The following PTPRD variants were observed in gnomAD, a reference collection of about 807,000 sequenced individuals.
PTPRD encodes protein tyrosine phosphatase receptor type D, also known as receptor-type tyrosine-protein phosphatase delta.
In PTPRD, 34 loss-of-function variants were observed where a neutral mutation model predicts 214.5. The ratio of observed to expected loss-of-function variants is 0.16; its 90% CI spans 0.12 to 0.21. PTPRD has a LOEUF of 0.21. Among genes scored for constraint, PTPRD ranks in the 10% least tolerant of loss-of-function variants. The probability of loss-of-function intolerance (pLI) is 1.00; values close to 1 mark genes in which losing one functional copy is unlikely to be tolerated. For synonymous variants in PTPRD, 1,128 were observed against 845.7 expected (o/e 1.33, Z -5.79); for missense variants, 2,545 against 2,398.7 (o/e 1.06, Z -1.27).
chr9:10,513,093 C>A (rs2048842934), intron 2 of PTPRD, among the ~76,000 whole-genome samples: 1 of 151,818 alleles, frequency 6.6e-6, no homozygotes, highest in African/African-American at 2.4e-5. Context: ...CTTCAGTTAA[C>A]ATTATTGAAG....
chr9:9,850,608 T>C (rs180842425), intron 5 of PTPRD, among the ~76,000 whole-genome samples: 73 of 152,276 alleles, frequency 4.8e-4, no homozygotes, highest in African/African-American at 1.7e-3. Flanking sequence ...ATGTAAAATA[T>C]ATAGAATACT....
intron 11 of PTPRD, among the ~76,000 whole-genome samples, chr9:8,801,636 A>T (rs575867622): frequency 2.0e-5 from 3 of 152,308 alleles, no homozygotes; most frequent in African/African-American, 7.2e-5. Context: ...GAATCACTTG[A>T]GCCCGGGAAG....
intron 5 of PTPRD, among the ~76,000 whole-genome samples, chr9:9,925,314 C>T (rs575662925): frequency 6.6e-6 from 1 of 151,956 alleles, no homozygotes; most frequent in African/African-American, 2.4e-5. Context: ...TTTCCCTCTC[C>T]AGAAAAACAA....
At chr9:9,956,929 A>T (rs2093973525) in intron 4 of PTPRD, among the ~76,000 whole-genome samples, 2 of 152,180 alleles carry the variant, frequency 1.3e-5, no homozygotes, top group Non-Finnish European at 2.9e-5. Context: ...TGTTTATGTT[A>T]TAACTGCCCA....
chr9:8,429,221 T>C (rs1350168455), intron 35 of PTPRD, among the ~76,000 whole-genome samples: 1 of 151,904 alleles, frequency 6.6e-6, no homozygotes, highest in Non-Finnish European at 1.5e-5. Context: ...GTGTGAAACA[T>C]TTAAGTGTTT....
intron 3 of PTPRD, among the ~76,000 whole-genome samples, chr9:10,200,819 T>C (rs565336280): frequency 6.6e-6 from 1 of 152,236 alleles, no homozygotes; most frequent in East Asian, 1.9e-4. Flanking sequence ...TAAATTGATG[T>C]CAATTGAAAG....
chr9:8,962,594 A>C (rs2099164870), intron 11 of PTPRD, among the ~76,000 whole-genome samples: 1 of 152,034 alleles, frequency 6.6e-6, no homozygotes, highest in African/African-American at 2.4e-5. Flanking sequence ...GCTTTGTATC[A>C]AGGGTGTCCA....
rs137944150 is a variant in PTPRD, at chr9:9,470,403, T to C, written c.-236-72921A>G. ...TATTTTGTACAGTTTCAAAAGTCAATATCACATTAAAGAATAAATAATATT... is the reference window on the plus strand; with the variant it reads ...TATTTTGTACAGTTTCAAAAGTCAACATCACATTAAAGAATAAATAATATT... On this transcript the variant is annotated intron_variant, in intron 8 of 45. Transcript: ENST00000381196. Among the ~76,000 whole-genome samples, 628 of 152,300 alleles carry C rather than the reference T, an allele frequency of 4.1e-3. 1 individual carries two copies. Among genetic ancestry groups the C allele is most frequent in the African/African-American group, 0.013 (560 of 41,564 alleles).
Position 10,262,593 on chromosome 9 carries a change from A to T in PTPRD, c.-545+78370T>A, listed in dbSNP as rs202038096. The stretch of plus-strand genomic sequence containing the variant: ...CTCAAGTGTATTGACAAATAGCAAA[A>T]ACAGAGACATTGGTACTGCAAAGCA... On this transcript the variant is annotated intron_variant, in intron 3 of 45. Coordinates refer to ENST00000381196, the MANE Select transcript of PTPRD (RefSeq NM_002839.4). Among the ~76,000 whole-genome samples the T allele has an allele frequency of 1.1e-4, 16 of 152,332 alleles. No homozygotes were observed. In the East Asian group the frequency reaches 2.1e-3, roughly 20 times the overall value.
chr9:9,909,480 ATT>A (rs1206737100), intron 5 of PTPRD, among the ~76,000 whole-genome samples: 1 of 151,856 alleles, frequency 6.6e-6, no homozygotes, highest in African/African-American at 2.4e-5. Flanking sequence ...GCAGTGTAGT[ATT>A]GAGTTAAACA....
At chr9:10,304,386 C>T (rs2095981943) in intron 3 of PTPRD, among the ~76,000 whole-genome samples, 1 of 152,130 alleles carries the variant, frequency 6.6e-6, no homozygotes, top group African/African-American at 2.4e-5. Context: ...CACTCCTATT[C>T]AACATAGTAT....
chr9:8,487,502 G>A (rs2097051391), intron 27 of PTPRD, among the ~76,000 whole-genome samples: 1 of 152,074 alleles, frequency 6.6e-6, no homozygotes, highest in African/African-American at 2.4e-5. Context: ...GCTGAGGTGG[G>A]AGGACTGCTT....
chr9:10,150,509 C>G (rs958158333), intron 3 of PTPRD, among the ~76,000 whole-genome samples: 1 of 151,196 alleles, frequency 6.6e-6, no homozygotes, highest in Non-Finnish European at 1.5e-5. Flanking sequence ...CGGGGCCTTT[C>G]GTGGGGCAGG....
rs7047834 is a variant in PTPRD at position 10,230,457 on chromosome 9, T to C, written c.-545+110506A>G. Among the ~76,000 whole-genome samples the C allele has an allele frequency of 1.6e-4, 24 of 151,654 alleles. 1 individual carries two copies. The highest frequency in any genetic ancestry group is 4.2e-4 in the South Asian group (2 of 4,810). On this transcript the variant is annotated intron_variant, in intron 3 of 45. Transcript: ENST00000381196. ...CTATGTATCTATCTATCTATCTATC[T>C]ATCTATCTATCTATCTATCTGTCTA... is the stretch of plus-strand genomic sequence containing the variant.
intron 9 of PTPRD, among the ~76,000 whole-genome samples, chr9:9,184,133 T>A (rs559870316): frequency 6.6e-6 from 1 of 152,034 alleles, no homozygotes; most frequent in Non-Finnish European, 1.5e-5. Context: ...TGTCATCTCA[T>A]GGGGAGAGAC....
intron 8 of PTPRD, among the ~76,000 whole-genome samples, chr9:9,505,069 C>G (rs1327604132): frequency 6.6e-6 from 1 of 151,574 alleles, no homozygotes; most frequent in East Asian, 1.9e-4. Flanking sequence ...TGCTCCCTCA[C>G]TCAGGGTCAA....
At chr9:10,078,738 C>A (rs1025534199) in intron 3 of PTPRD, among the ~76,000 whole-genome samples, 2 of 151,914 alleles carry the variant, frequency 1.3e-5, no homozygotes, top group African/African-American at 4.8e-5. Flanking sequence ...CAAAATGTGC[C>A]TCCTAGGAAT....
chr9:9,072,758 G>A (rs1278827254), intron 10 of PTPRD, among the ~76,000 whole-genome samples: 1 of 152,126 alleles, frequency 6.6e-6, no homozygotes. Context: ...GTGATCTTAA[G>A]TTATTTAGCC....
chr9:9,343,996 T>A (rs897855946), intron 9 of PTPRD, among the ~76,000 whole-genome samples: 1 of 152,152 alleles, frequency 6.6e-6, no homozygotes, highest in Non-Finnish European at 1.5e-5. Flanking sequence ...CTTGCACACA[T>A]TAATAATATG....
Sources: allele counts gnomAD v4.1 joint callset (sites outside exome capture counted in the v4.1 genomes callset), GRCh38; gene constraint gnomAD v4.1.1; transcripts MANE v1.5; gene names NCBI Gene and HGNC (gene_info 2026-07-23, HGNC 2026-07-21).